Variants in SORCS1 observed in about 807,000 individuals in gnomAD.
SORCS1 encodes the protein sortilin related VPS10 domain containing receptor 1.
SORCS1 carries 60 observed loss-of-function variants against 146.1 expected under a neutral mutation model. The observed-to-expected ratio is 0.41, with a 90% CI of 0.33 to 0.51. The LOEUF is 0.51. Ranked by LOEUF, SORCS1 falls within the 20% of genes least tolerant of loss-of-function variation. The probability of loss-of-function intolerance (pLI) is 0.21; values close to 1 mark genes in which losing one functional copy is unlikely to be tolerated. For synonymous variants in SORCS1, 637 were observed against 584.0 expected, an observed-to-expected ratio of 1.09 and a Z score of -1.31; for missense variants, 1,352 against 1,487.6, an observed-to-expected ratio of 0.91 and a Z score of 1.50.
intron 1 of SORCS1, among the ~76,000 whole-genome samples, chr10:107,019,644 G>T (rs551595837): frequency 2.6e-5 from 4 of 152,164 alleles, no homozygotes; most frequent in Non-Finnish European, 5.9e-5. Context: ...TGCCCTAACC[G>T]TCCAAGCAGG....
chr10:106,870,369 C>T (rs1161952367), intron 2 of SORCS1, among the ~76,000 whole-genome samples: 1 of 152,102 alleles, frequency 6.6e-6, no homozygotes, highest in Non-Finnish European at 1.5e-5. Context: ...AAAAGGGGCT[C>T]AAATAGCCCA....
At chr10:107,171,681 A>G in the SORCS1 span, among the ~76,000 whole-genome samples, 10 of 151,840 alleles carry the variant, frequency 6.6e-5, no homozygotes, top group Non-Finnish European at 1.3e-4. Context: ...ATGCCTGGCT[A>G]ATTTTTGTAG....
intron 1 of SORCS1, among the ~76,000 whole-genome samples, chr10:107,160,190 A>G (rs1224830624): frequency 6.6e-6 from 1 of 152,180 alleles, no homozygotes; most frequent in African/African-American, 2.4e-5. Flanking sequence ...AATCAACTCA[A>G]GATAGGATTA....
At chr10:106,934,469 C>G (rs1953594908) in intron 2 of SORCS1, among the ~76,000 whole-genome samples, 1 of 152,038 alleles carries the variant, frequency 6.6e-6, no homozygotes, top group South Asian at 2.1e-4. Context: ...CCGTGTTAGC[C>G]AGGACAGTCT....
intron 5 of SORCS1, among the ~76,000 whole-genome samples, chr10:106,732,380 C>A (rs901131503): frequency 6.6e-6 from 1 of 152,168 alleles, no homozygotes; most frequent in East Asian, 1.9e-4. Flanking sequence ...TGGTGACTCT[C>A]CTCACACTGA....
intron 1 of SORCS1, among the ~76,000 whole-genome samples, chr10:106,995,855 T>C (rs1370881957): frequency 6.6e-6 from 1 of 152,132 alleles, no homozygotes; most frequent in African/African-American, 2.4e-5. Context: ...TTTATTTTAC[T>C]TATAACAAGG....
chr10:106,810,393 C>T (rs1947397414), intron 3 of SORCS1, among the ~76,000 whole-genome samples: 1 of 152,128 alleles, frequency 6.6e-6, no homozygotes, highest in African/African-American at 2.4e-5. Flanking sequence ...AAAATACCTG[C>T]AATTTTTTAA....
intron 1 of SORCS1, among the ~76,000 whole-genome samples, chr10:107,031,511 C>A (rs765103051): frequency 2.6e-5 from 4 of 152,080 alleles, no homozygotes; most frequent in African/African-American, 9.7e-5. Flanking sequence ...AAAAGACTGA[C>A]TTTTCTGCAA....
At chr10:107,168,784 G>A (rs1300748556), upstream of SORCS1, among the ~76,000 whole-genome samples, 2 of 151,150 alleles carry the variant, frequency 1.3e-5, no homozygotes, top group African/African-American at 4.9e-5. Flanking sequence ...AAAGAGACAA[G>A]GTTTCTACGT....
At chr10:106,939,589 C>T (rs1210456738) in intron 2 of SORCS1, among the ~76,000 whole-genome samples, 1 of 152,190 alleles carries the variant, frequency 6.6e-6, no homozygotes, top group Admixed American at 6.5e-5. Flanking sequence ...GCTAAGAAGT[C>T]ATAATCCTCT....
chr10:106,749,173 C>T (rs988005965), intron 5 of SORCS1, among the ~76,000 whole-genome samples: 1 of 152,134 alleles, frequency 6.6e-6, no homozygotes, highest in African/African-American at 2.4e-5. Context: ...TACAATTCAC[C>T]AATAGGAAAT....
At chr10:106,695,232 A>G (rs924849100) in intron 9 of SORCS1, among the ~76,000 whole-genome samples, 4 of 152,218 alleles carry the variant, frequency 2.6e-5, no homozygotes, top group Admixed American at 1.3e-4. Context: ...AGCTGTAACT[A>G]AGGACTTGGT....
chr10:107,042,626 T>G (rs1467757446), intron 1 of SORCS1, among the ~76,000 whole-genome samples: 1 of 151,686 alleles, frequency 6.6e-6, no homozygotes, highest in Non-Finnish European at 1.5e-5. Flanking sequence ...TTTTTTTTTT[T>G]GAGACAGAGT....
intron 5 of SORCS1, among the ~76,000 whole-genome samples, chr10:106,755,503 A>T (rs933191652): frequency 2.0e-5 from 3 of 152,192 alleles, no homozygotes; most frequent in African/African-American, 4.8e-5. Flanking sequence ...ATGGAATTAT[A>T]TCCTTATGAC....
intron 1 of SORCS1, among the ~76,000 whole-genome samples, chr10:107,074,952 C>T (rs1482299600): frequency 6.6e-6 from 1 of 152,046 alleles, no homozygotes; most frequent in Non-Finnish European, 1.5e-5. Context: ...ATAACAGTAA[C>T]TCACCTTTAT....
intron 21 of SORCS1, among the ~76,000 whole-genome samples, chr10:106,613,218 T>C (rs1351548848): frequency 1.3e-5 from 2 of 152,294 alleles, no homozygotes; most frequent in South Asian, 4.1e-4. Context: ...CCTGAGTTAG[T>C]TTGGTTCTCC....
intron 3 of SORCS1, among the ~76,000 whole-genome samples, chr10:106,797,536 T>C (rs1406382573): frequency 6.6e-6 from 1 of 151,816 alleles, no homozygotes; most frequent in Non-Finnish European, 1.5e-5. Flanking sequence ...TTTTTAGCAG[T>C]GCCAGAATAC....
intron 1 of SORCS1, among the ~76,000 whole-genome samples, chr10:107,012,588 T>C (rs1422801698): frequency 6.6e-6 from 1 of 152,194 alleles, no homozygotes; most frequent in African/African-American, 2.4e-5. Flanking sequence ...TTAAGGAACC[T>C]GCACAGAGAG....
intron 1 of SORCS1, among the ~76,000 whole-genome samples, chr10:107,095,330 C>A (rs1964470893): frequency 1.3e-5 from 2 of 152,178 alleles, no homozygotes; most frequent in African/African-American, 4.8e-5. Flanking sequence ...GGCCAAGGGA[C>A]AACATTCTTT....
Sources: allele counts gnomAD v4.1 joint callset (sites outside exome capture counted in the v4.1 genomes callset), GRCh38; gene constraint gnomAD v4.1.1; transcripts MANE v1.5; gene names NCBI Gene and HGNC (gene_info 2026-07-23, HGNC 2026-07-21).